HS6ST3: variants seen among roughly 807,000 people sequenced by gnomAD.
The protein encoded by HS6ST3 is heparan-sulfate 6-O-sulfotransferase 3.
Under a neutral mutation model 36.7 loss-of-function variants are expected in HS6ST3, and 12 were observed. The observed-to-expected ratio is 0.33, with a 90% CI of 0.21 to 0.53. The LOEUF (loss-of-function observed/expected upper bound fraction) is 0.53, where lower values mean the gene tolerates loss of function less well. Among genes scored for constraint, HS6ST3 ranks in the 20% least tolerant of loss-of-function variants. The probability of loss-of-function intolerance (pLI) is 0.95; values close to 1 mark genes in which losing one functional copy is unlikely to be tolerated. For missense variants in HS6ST3, 584 were observed against 640.9 expected (o/e 0.91, Z 0.96); for synonymous variants, 240 against 257.5 (o/e 0.93, Z 0.65).
intron 1 of HS6ST3, among the ~76,000 whole-genome samples, chr13:96,679,648 C>T (rs549368183): frequency 2.6e-5 from 4 of 152,270 alleles, no homozygotes; most frequent in South Asian, 2.1e-4. Flanking sequence ...TGATATGCTT[C>T]CCTTTTGTTT....
At chr13:96,692,643 T>G (rs1874998182) in intron 1 of HS6ST3, among the ~76,000 whole-genome samples, 1 of 152,216 alleles carries the variant, frequency 6.6e-6, no homozygotes, top group South Asian at 2.1e-4. Context: ...CAGCAGCATC[T>G]ATTTTTATGT....
intron 1 of HS6ST3, among the ~76,000 whole-genome samples, chr13:96,541,500 C>T (rs2056177524): frequency 6.6e-6 from 1 of 152,156 alleles, no homozygotes; most frequent in Non-Finnish European, 1.5e-5. Context: ...TTCAGTTCTT[C>T]CTGCTGATTT....
At chr13:96,097,865 C>T (rs768560699) in intron 1 of HS6ST3, among the ~76,000 whole-genome samples, 7 of 152,254 alleles carry the variant, frequency 4.6e-5, no homozygotes, top group East Asian at 1.9e-4. Context: ...GAATAAATGT[C>T]GGCTTTTAGA....
At chr13:96,655,231 A>T (rs2056620803) in intron 1 of HS6ST3, among the ~76,000 whole-genome samples, 1 of 152,126 alleles carries the variant, frequency 6.6e-6, no homozygotes, top group South Asian at 2.1e-4. Context: ...ACTCATGATG[A>T]TAAGGACTAG....
intron 1 of HS6ST3, among the ~76,000 whole-genome samples, chr13:96,126,262 T>C (rs868481904): frequency 2.5e-4 from 38 of 152,152 alleles, no homozygotes; most frequent in African/African-American, 9.2e-4. Context: ...TCCTAACTAC[T>C]CTTTCACCAG....
chr13:96,121,332 A>C (rs2053924541), intron 1 of HS6ST3, among the ~76,000 whole-genome samples: 1 of 152,214 alleles, frequency 6.6e-6, no homozygotes, highest in Non-Finnish European at 1.5e-5. Flanking sequence ...AGGCTCATTA[A>C]GGAGCCAAGC....
At chr13:96,748,299 A>G (rs1366855796) in intron 1 of HS6ST3, among the ~76,000 whole-genome samples, 2 of 152,050 alleles carry the variant, frequency 1.3e-5, no homozygotes, top group Non-Finnish European at 2.9e-5. Flanking sequence ...CAGAGCTCCT[A>G]TGCTTGCTAG....
chr13:96,827,675 A>C (rs1363191608), intron 1 of HS6ST3, among the ~76,000 whole-genome samples: 1 of 152,222 alleles, frequency 6.6e-6, no homozygotes, highest in African/African-American at 2.4e-5. Context: ...GAACTCCAAG[A>C]CATAATTTAG....
Position 96,091,541 on chromosome 13 carries a change from G to A in HS6ST3, c.679G>A (p.Asp227Asn). 1 of 1,585,704 alleles carries A rather than the reference G, an allele frequency of 6.3e-7. No homozygotes were observed. Residue 227 changes from aspartate (D) to asparagine (N), a missense_variant, in exon 1 of 2, where the codon GAC (aspartate) becomes AAC (asparagine). By Grantham distance (23) the Asp-to-Asn change is conservative. Transcript: ENST00000376705. ...CGTGCCGGCCATCATGGAGAAGAAG[G>A]ACTGTCCCCGCAACCACAGCCACAC... ...NCVPAIMEKK[D>N]CPRNHSHTRN...
chr13:96,445,020 G>T (rs946093904), intron 1 of HS6ST3, among the ~76,000 whole-genome samples: 1 of 152,056 alleles, frequency 6.6e-6, no homozygotes, highest in African/African-American at 2.4e-5. Flanking sequence ...AAAAAATGGG[G>T]GTATCAAATG....
intron 1 of HS6ST3, among the ~76,000 whole-genome samples, chr13:96,814,125 C>A (rs1878373631): frequency 6.6e-6 from 1 of 152,126 alleles, no homozygotes; most frequent in African/African-American, 2.4e-5. Flanking sequence ...CTTTTCCTTG[C>A]AGACTGTGTT....
intron 1 of HS6ST3, among the ~76,000 whole-genome samples, chr13:96,622,214 C>CAA (rs879915846): frequency 1.0e-4 from 13 of 126,080 alleles, no homozygotes; most frequent in African/African-American, 2.8e-4. Context: ...GATATAATTT[C>CAA]AAAAAAAAAA....
At chr13:96,278,968 T>C (rs1223744087) in intron 1 of HS6ST3, among the ~76,000 whole-genome samples, 1 of 152,182 alleles carries the variant, frequency 6.6e-6, no homozygotes, top group African/African-American at 2.4e-5. Context: ...TAATTCCTGC[T>C]GAATTTCCAA....
At chr13:96,455,603 C>T (rs2055751098) in intron 1 of HS6ST3, among the ~76,000 whole-genome samples, 1 of 152,102 alleles carries the variant, frequency 6.6e-6, no homozygotes, top group Non-Finnish European at 1.5e-5. Context: ...TTTGTGTCTC[C>T]AGCCACTAAT....
chr13:96,711,108 G>T (rs1875550775), intron 1 of HS6ST3, among the ~76,000 whole-genome samples: 1 of 152,094 alleles, frequency 6.6e-6, no homozygotes, highest in East Asian at 1.9e-4. Flanking sequence ...CCAAAATGAG[G>T]CAAGCAACCT....
At chr13:96,107,313 A>G (rs993923203) in intron 1 of HS6ST3, among the ~76,000 whole-genome samples, 1 of 152,156 alleles carries the variant, frequency 6.6e-6, no homozygotes, top group African/African-American at 2.4e-5. Flanking sequence ...TATTCCTTGT[A>G]TGGTCTCTGT....
chr13:96,410,998 C>T (rs1279004398), intron 1 of HS6ST3, among the ~76,000 whole-genome samples: 1 of 152,078 alleles, frequency 6.6e-6, no homozygotes, highest in Non-Finnish European at 1.5e-5. Context: ...GGTAAATTTC[C>T]AGTTTAAAGT....
intron 1 of HS6ST3, among the ~76,000 whole-genome samples, chr13:96,326,398 G>A (rs1454489009): frequency 1.4e-5 from 2 of 138,424 alleles, no homozygotes; most frequent in Non-Finnish European, 1.5e-5. Context: ...TCGTTGTTCA[G>A]TTCCCACCTG....
chr13:96,799,304 T>G (rs185443175), intron 1 of HS6ST3, among the ~76,000 whole-genome samples: 1 of 152,266 alleles, frequency 6.6e-6, no homozygotes, highest in East Asian at 1.9e-4. Context: ...ATTGCCATTC[T>G]AACTGGTGTG....
Sources: allele counts gnomAD v4.1 joint callset (sites outside exome capture counted in the v4.1 genomes callset), GRCh38; gene constraint gnomAD v4.1.1; transcripts MANE v1.5; gene names NCBI Gene and HGNC (gene_info 2026-07-23, HGNC 2026-07-21).